Variants in DACH2 observed in about 807,000 individuals in gnomAD.
DACH2 encodes dachshund homolog 2.
Under a neutral mutation model 35.8 loss-of-function variants are expected in DACH2, and 17 were observed. The observed-to-expected ratio is 0.48, with a 90% CI of 0.33 to 0.71. The LOEUF is 0.71. Ranked by LOEUF, DACH2 falls within the 30% of genes least tolerant of loss-of-function variation. The probability of loss-of-function intolerance (pLI) is 0.02; values close to 1 mark genes in which losing one functional copy is unlikely to be tolerated. For missense variants in DACH2, 469 were observed against 472.7 expected, an observed-to-expected ratio of 0.99 and a Z score of 0.07; for synonymous variants, 195 against 177.3, an observed-to-expected ratio of 1.10 and a Z score of -0.79.
intron 3 of DACH2, among the ~76,000 whole-genome samples, chrX:86,547,129 G>T (rs903558075): frequency 1.8e-5 from 2 of 110,889 alleles, no homozygotes; most frequent in Non-Finnish European, 3.8e-5. Flanking sequence ...ACCCTCCAGT[G>T]CCCCAATCCA....
intron 2 of DACH2, among the ~76,000 whole-genome samples, chrX:86,463,080 A>G (rs1265353444): frequency 2.7e-5 from 3 of 111,557 alleles, no homozygotes; most frequent in Non-Finnish European, 5.7e-5. Flanking sequence ...CTGATTGCAA[A>G]GCACTACGAT....
intron 7 of DACH2, among the ~76,000 whole-genome samples, chrX:86,755,692 G>C (rs932861515): frequency 2.4e-4 from 25 of 104,308 alleles, no homozygotes; most frequent in Non-Finnish European, 5.8e-5. Context: ...CTGCCTCCCA[G>C]GTTCACACCA....
chrX:86,800,930 A>G (rs1195099180), intron 7 of DACH2, among the ~76,000 whole-genome samples: 1 of 111,109 alleles, frequency 9.0e-6, no homozygotes, highest in Non-Finnish European at 1.9e-5. Flanking sequence ...TCAGCCGCCC[A>G]AAGTGCTGGG....
At chrX:86,648,532 A>G (rs1157968247) in intron 3 of DACH2, among the ~76,000 whole-genome samples, 1 of 111,164 alleles carries the variant, frequency 9.0e-6, no homozygotes, top group Non-Finnish European at 1.9e-5. Flanking sequence ...CATATGAACC[A>G]AAACATCTTT....
intron 2 of DACH2, among the ~76,000 whole-genome samples, chrX:86,397,889 G>T (rs946313288): frequency 8.1e-5 from 9 of 111,621 alleles, no homozygotes; most frequent in Non-Finnish European, 1.7e-4. Flanking sequence ...TGGTATCAGG[G>T]TGATGCTGTC....
In DACH2 at chrX:86,724,402, C is replaced by A. The variant is rs184436140; in HGVS notation, c.1104+9682C>A. ...GATCAGTATGGTGGGGAGGAATTAT[C>A]AGTGTTTGCTTGTCTGGGAAATCTT... On this transcript the variant is annotated intron_variant, in intron 6 of 11. Coordinates refer to ENST00000373125, the MANE Select transcript of DACH2 (RefSeq NM_053281.3). Among the ~76,000 whole-genome samples, 515 of 111,695 alleles carry A rather than the reference C, an allele frequency of 4.6e-3. 3 individuals carry two copies. The highest frequency in any genetic ancestry group is 0.016 in the African/African-American group (488 of 30,769).
intron 1 of DACH2, among the ~76,000 whole-genome samples, chrX:86,188,752 G>A (rs1441409494): frequency 8.9e-6 from 1 of 111,915 alleles, no homozygotes; most frequent in Non-Finnish European, 1.9e-5. Context: ...TCTACAAACT[G>A]AAAAATGTAA....
rs190516504 is a variant in DACH2, at chrX:86,753,516, C to A, written c.1240+13634C>A. 1.3e-3 allele frequency among the ~76,000 whole-genome samples: 144 copies of A among 111,289 alleles called. 1 individual carries two copies. The highest frequency in any genetic ancestry group is 3.4e-4 in the Non-Finnish European group (18 of 52,921). ...TTATGAGAGTAAATGTTATCAAAGTCTAGTTAGCATTTCATGTGACAGTGA... is the reference window on the plus strand; with the variant it reads ...TTATGAGAGTAAATGTTATCAAAGTATAGTTAGCATTTCATGTGACAGTGA... On this transcript the variant is annotated intron_variant, in intron 7 of 11. Transcript: ENST00000373125.
intron 2 of DACH2, among the ~76,000 whole-genome samples, chrX:86,478,937 T>C (rs1450705376): frequency 2.7e-5 from 3 of 111,116 alleles, no homozygotes; most frequent in African/African-American, 9.8e-5. Flanking sequence ...GTCGAGTTTT[T>C]TGCCCTCATT....
At chrX:86,767,349 T>C (rs1327693027) in intron 7 of DACH2, among the ~76,000 whole-genome samples, 2 of 111,768 alleles carry the variant, frequency 1.8e-5, no homozygotes, top group Non-Finnish European at 3.8e-5. Context: ...CATATGTTCC[T>C]CTCTTTCCTT....
At chrX:86,416,327 T>G (rs1019333191) in intron 2 of DACH2, among the ~76,000 whole-genome samples, 1 of 112,019 alleles carries the variant, frequency 8.9e-6, no homozygotes, top group South Asian at 3.7e-4. Context: ...TTCAAGTCAC[T>G]TATCCTCTAG....
At chrX:86,546,376 T>TCTTCTTCTTCTG (rs2038962155) in intron 3 of DACH2, among the ~76,000 whole-genome samples, 1 of 69,389 alleles carries the variant, frequency 1.4e-5, no homozygotes, top group African/African-American at 8.9e-5. Context: ...TTCTTCTTCT[T>TCTTCTTCTTCTG]CTTCTTCTTC....
chrX:86,717,536 A>G (rs1329118853), intron 6 of DACH2, among the ~76,000 whole-genome samples: 1 of 109,503 alleles, frequency 9.1e-6, no homozygotes, highest in African/African-American at 3.3e-5. Flanking sequence ...CTAACTAATG[A>G]GAGGTCTGTT....
intron 6 of DACH2, among the ~76,000 whole-genome samples, chrX:86,723,217 C>A (rs1036136602): frequency 1.8e-5 from 2 of 111,158 alleles, no homozygotes; most frequent in Non-Finnish European, 3.8e-5. Context: ...GTTAGTCTAG[C>A]TAATGGGTTA....
intron 2 of DACH2, among the ~76,000 whole-genome samples, chrX:86,432,010 C>T (rs1007027713): frequency 4.5e-5 from 5 of 111,759 alleles, no homozygotes; most frequent in Non-Finnish European, 9.4e-5. Flanking sequence ...TCTGGATTGA[C>T]AACTTTATAA....
At chrX:86,655,934 T>A (rs1164286896) in intron 4 of DACH2, among the ~76,000 whole-genome samples, 1 of 110,508 alleles carries the variant, frequency 9.0e-6, no homozygotes, top group Non-Finnish European at 1.9e-5. Context: ...TTGAATGAAG[T>A]ATTAAACAGA....
intron 3 of DACH2, among the ~76,000 whole-genome samples, chrX:86,605,079 G>A (rs1462369503): frequency 9.0e-6 from 1 of 111,679 alleles, no homozygotes; most frequent in Non-Finnish European, 1.9e-5. Flanking sequence ...TGATTCTAGT[G>A]AGTCCTGTGT....
intron 1 of DACH2, among the ~76,000 whole-genome samples, chrX:86,289,395 C>T (rs1452852491): frequency 7.8e-5 from 8 of 102,143 alleles, no homozygotes; most frequent in South Asian, 4.3e-4. Context: ...CGGTTGGTGT[C>T]TAAGCAGGTT....
intron 3 of DACH2, among the ~76,000 whole-genome samples, chrX:86,546,389 CTTCTTCTTCTTCTTCCTT>C (rs2038964157): frequency 2.5e-5 from 2 of 79,186 alleles, no homozygotes; most frequent in Non-Finnish European, 4.5e-5. Context: ...TCTTCTTCTT[CTTCTTCTTCTTCTTCCTT>C]CTTCTTCTTC....
Sources: allele counts gnomAD v4.1 joint callset (sites outside exome capture counted in the v4.1 genomes callset), GRCh38; gene constraint gnomAD v4.1.1; transcripts MANE v1.5; gene names NCBI Gene and HGNC (gene_info 2026-07-23, HGNC 2026-07-21).